The following EVI5L variants were observed in gnomAD, a reference collection of about 807,000 sequenced individuals.
EVI5L encodes EVI5-like protein.
Under a neutral mutation model 106.1 loss-of-function variants are expected in EVI5L, and 30 were observed. That is an observed-to-expected ratio of 0.28 (90% confidence interval 0.21 to 0.38). The LOEUF is 0.38. EVI5L is among the 10% of genes least tolerant of loss of function. The pLI is 1.00. For synonymous variants in EVI5L, 489 were observed against 483.3 expected, an observed-to-expected ratio of 1.01 and a Z score of -0.15; for missense variants, 809 against 1,098.0, an observed-to-expected ratio of 0.74 and a Z score of 3.72.
At chr19:7,844,081 G>A (rs1302399496) in intron 1 of EVI5L, among the ~76,000 whole-genome samples, 1 of 151,642 alleles carries the variant, frequency 6.6e-6, no homozygotes, top group Non-Finnish European at 1.5e-5. Context: ...GGCTGGGCGC[G>A]GTGGCTCACA....
In EVI5L at chr19:7,845,404, C is replaced by T. The variant is rs944666168; in HGVS notation, c.-47-1092C>T. ...GCTAGGGGTCCCCTGGCCATCAGTC[C>T]CCACACAGGCCACAGCAGAACCCAG... On this transcript the variant is annotated intron_variant, in intron 1 of 19. Coordinates refer to ENST00000538904, the MANE Select transcript of EVI5L (RefSeq NM_001159944.3). This position sits in a 1 kb window ranked among gnomAD's most constrained non-coding sequence, Gnocchi z 4.0. 6.6e-6 allele frequency among the ~76,000 whole-genome samples: 1 copy of T among 152,156 alleles called. No individual in the cohort carries two copies. Among genetic ancestry groups the T allele is most frequent in the African/African-American group, 2.4e-5 (1 of 41,420 alleles).
Position 7,858,396 on chromosome 19 carries a change from G to A in EVI5L, c.1374+65G>A. On this transcript the variant is annotated intron_variant, in intron 13 of 19. Transcript: ENST00000538904. This position sits in a 1 kb window ranked among gnomAD's most constrained non-coding sequence, Gnocchi z 5.7. ...CCCGCGCCCCCGCCCCCGCCCAACGGTTTTCTTTCAGGGCTCATAATCTGC... is the reference window on the plus strand; with the variant it reads ...CCCGCGCCCCCGCCCCCGCCCAACGATTTTCTTTCAGGGCTCATAATCTGC... The A allele has an allele frequency of 1.3e-6, 2 of 1,487,328 alleles. No individual in the cohort carries two copies. The highest frequency in any genetic ancestry group is 2.3e-5 in the Admixed American group (1 of 42,900). The allele number at this position is 1,487,328 out of a possible 1,614,324, so 92.1% of individuals were successfully genotyped here. A position where few individuals can be genotyped will look rare whatever the true frequency, so the allele number is the denominator to read the frequency against.
At chr19:7,836,007 C>T (rs200686292) in intron 1 of EVI5L, among the ~76,000 whole-genome samples, 2 of 151,744 alleles carry the variant, frequency 1.3e-5, no homozygotes, top group Non-Finnish European at 2.9e-5. Context: ...GAGGCCGAGG[C>T]GGGAGGATCA....
intron 5 of EVI5L, 125 bp downstream of exon 5, chr19:7,849,455 T>C (rs1599570047): frequency 1.9e-6 from 2 of 1,037,944 alleles, no homozygotes; most frequent in Non-Finnish European, 2.8e-6. Context: ...ATCCTCCTTC[T>C]CCATCCACAC....
intron 1 of EVI5L, among the ~76,000 whole-genome samples, chr19:7,837,567 C>T (rs1216897235): frequency 6.6e-6 from 1 of 152,130 alleles, no homozygotes; most frequent in Non-Finnish European, 1.5e-5. Flanking sequence ...TCCCAGTAAC[C>T]TTCTTCCATC....
At position 7,862,364 on chromosome 19, in the gene EVI5L, G is replaced by A. The variant is rs371660824; in HGVS notation, c.1801-24G>A. 58 of 1,587,102 alleles carry A rather than the reference G, an allele frequency of 3.7e-5. 1 individual carries two copies. Among genetic ancestry groups the A allele is most frequent in the Non-Finnish European group, 4.6e-5 (54 of 1,165,526 alleles). On this transcript the variant is annotated intron_variant, in intron 16 of 19. Coordinates refer to ENST00000538904, the MANE Select transcript of EVI5L (RefSeq NM_001159944.3). ...TAGGCCCTGACCGCCGCCGTCCTCC[G>A]TCCTCCCTTCCTCCCTATCCCAGGA...
At chr19:7,860,836 C>G in intron 14 of EVI5L, 147 bp downstream of exon 14, 1 of 993,216 alleles carries the variant, frequency 1.0e-6, no homozygotes, top group South Asian at 1.9e-5. Flanking sequence ...AGCACAACCC[C>G]ACGCGGGGCA....
Position 7,856,879 on chromosome 19 carries a change from C to T in EVI5L, c.1201-213C>T, listed in dbSNP as rs1056825692. ...GCACCCCCGACCTCCCCGCTCACACCGAACCCCTCTCCAGGACGGAGCTGG... is the reference window on the plus strand; with the variant it reads ...GCACCCCCGACCTCCCCGCTCACACTGAACCCCTCTCCAGGACGGAGCTGG... On this transcript the variant is annotated intron_variant, in intron 11 of 19. Coordinates refer to ENST00000538904, the MANE Select transcript of EVI5L (RefSeq NM_001159944.3). This position sits in a 1 kb window ranked among gnomAD's most constrained non-coding sequence, Gnocchi z 6.6. The T allele has an allele frequency of 9.9e-6, 7 of 704,400 alleles. No individual in the cohort carries two copies. The highest frequency in any genetic ancestry group is 5.2e-5 in the African/African-American group (3 of 57,258). The allele number at this position is 704,400 out of a possible 1,614,324, so 43.6% of individuals were successfully genotyped here.
intron 14 of EVI5L, among the ~76,000 whole-genome samples, chr19:7,861,416 A>G (rs892031526): frequency 2.6e-5 from 4 of 152,224 alleles, no homozygotes; most frequent in African/African-American, 9.6e-5. Flanking sequence ...CTGGAGCACA[A>G]ATCCTCCATC....
chr19:7,863,562 C>G lies in EVI5L; in HGVS notation c.2278C>G (p.Gln760Glu). The G allele has an allele frequency of 6.3e-7, 1 of 1,599,562 alleles. No individual in the cohort carries two copies. Among genetic ancestry groups the G allele is most frequent in the Non-Finnish European group, 8.5e-7 (1 of 1,174,068 alleles). Residue 760 changes from glutamine to glutamate, a missense_variant, in exon 20 of 20, where the codon CAG becomes GAG. Coordinates refer to ENST00000538904, the MANE Select transcript of EVI5L (RefSeq NM_001159944.3). The surrounding 1 kb of genome is among the most constrained non-coding windows in gnomAD (Gnocchi z 7.7). ...LLGVGVGAALQDALYPLSPRD... is the reference protein window; with the variant it reads ...LLGVGVGAALEDALYPLSPRD... ...TGGCGTAGGCGTGGGCGCTGCCCTG[C>G]AGGACGCATTGTACCCTCTGTCCCC...
rs747492093 is a variant in EVI5L at position 7,849,972 on chromosome 19, C to T, written c.628-25C>T. The T allele has an allele frequency of 1.1e-5, 18 of 1,568,354 alleles. No homozygotes were observed. The South Asian group carries it at 1.2e-4, about 10-fold the overall frequency. ...CCCTCCCCGCTGCGCTGCCCTGAGC[C>T]CCCCCACCTGCCCGTCCCCCCTAGA... On this transcript the variant is annotated intron_variant, in intron 5 of 19. Coordinates refer to ENST00000538904, the MANE Select transcript of EVI5L (RefSeq NM_001159944.3).
intron 5 of EVI5L, among the ~76,000 whole-genome samples, 188 bp downstream of exon 5, chr19:7,849,518 G>A (rs1256132140): frequency 6.6e-6 from 1 of 152,212 alleles, no homozygotes; most frequent in Non-Finnish European, 1.5e-5. Flanking sequence ...CACCTGTCTG[G>A]TTGGGTCCTG....
chr19:7,862,142 C>T lies in EVI5L; in HGVS notation c.1665C>T (p.Gly555=), dbSNP rs757300350. The change falls in exon 16 of 20, where the codon GGC becomes GGT. Residue 555 remains glycine, a synonymous_variant. Transcript: ENST00000538904. The part of the protein sequence containing the change: ...DTWQAHLARG[G]RWKESPRKLV... ...CCCAGGCCCATCTGGCCCGCGGCGG[C>T]CGCTGGAAGGAGTCCCCACGGAAGC... The T allele has an allele frequency of 8.1e-5, 128 of 1,572,486 alleles. No homozygotes were observed. The African/African-American group carries it at 1.6e-3, about 19-fold the overall frequency.
At chr19:7,854,731 G>C (rs1175914953) in intron 10 of EVI5L, among the ~76,000 whole-genome samples, 1 of 152,202 alleles carries the variant, frequency 6.6e-6, no homozygotes, top group Non-Finnish European at 1.5e-5. Context: ...CAGGGCTCCA[G>C]ATTGCTATGA....
At position 7,862,543 on chromosome 19, in the gene EVI5L, C is replaced by G; in HGVS notation, c.1947+9C>G. ...CCGAGGCCGAGTGCAAGGTGCAGACCCCCGCGGCCCCGCCCTGCCCGTGGC... is the reference window on the plus strand; with the variant it reads ...CCGAGGCCGAGTGCAAGGTGCAGACGCCCGCGGCCCCGCCCTGCCCGTGGC... On this transcript the variant is annotated intron_variant, in intron 17 of 19. Coordinates refer to ENST00000538904, the MANE Select transcript of EVI5L (RefSeq NM_001159944.3). The G allele has an allele frequency of 6.9e-7, 1 of 1,444,004 alleles. No individual in the cohort carries two copies. The highest frequency in any genetic ancestry group is 9.1e-7 in the Non-Finnish European group (1 of 1,097,610). The allele number at this position is 1,444,004 out of a possible 1,614,324, so 89.4% of individuals were successfully genotyped here.
chr19:7,843,756 G>A (rs1259925667), intron 1 of EVI5L, among the ~76,000 whole-genome samples: 1 of 151,972 alleles, frequency 6.6e-6, no homozygotes, highest in Non-Finnish European at 1.5e-5. Context: ...ATGTGAGTGG[G>A]GGTGGGTGTG....
chr19:7,844,357 A>G (rs1978858379), intron 1 of EVI5L, among the ~76,000 whole-genome samples: 1 of 151,654 alleles, frequency 6.6e-6, no homozygotes, highest in Non-Finnish European at 1.5e-5. Flanking sequence ...AAAAGAAAGA[A>G]AGAAAAGAAA....
In EVI5L at chr19:7,853,318, G is replaced by A. The variant is rs1979353348; in HGVS notation, c.1131G>A (p.Glu377=). 2 of 1,612,048 alleles carry A rather than the reference G, an allele frequency of 1.2e-6. No individual in the cohort carries two copies. Among genetic ancestry groups the A allele is most frequent in the African/African-American group, 1.3e-5 (1 of 74,934 alleles). Reference sequence around the variant, plus strand: ...CCATGAAGAGCAAGGAGATGGAGGAGCAGATCGAGATCAAAGTGAGTCCAG... The same window carrying A: ...CCATGAAGAGCAAGGAGATGGAGGAACAGATCGAGATCAAAGTGAGTCCAG... ...YAAMKSKEME[E]QIEIKRLRTE... is the part of the protein sequence containing the mutation. Residue 377 remains glutamate (E), a synonymous_variant, in exon 10 of 20, where the codon GAG becomes GAA. Coordinates refer to ENST00000538904, the MANE Select transcript of EVI5L (RefSeq NM_001159944.3).
At position 7,858,339 on chromosome 19, in the gene EVI5L, C is replaced by T. The variant is rs761258183; in HGVS notation, c.1374+8C>T. Reference sequence around the variant, plus strand: ...CAGCTACAGGAGCAGCAGGTAGGGGCGGGTGTGCGGGGCTGCTGGGCGGGG... The same window carrying T: ...CAGCTACAGGAGCAGCAGGTAGGGGTGGGTGTGCGGGGCTGCTGGGCGGGG... On this transcript the variant is annotated splice_region_variant and intron_variant, in intron 13 of 19. Coordinates refer to ENST00000538904, the MANE Select transcript of EVI5L (RefSeq NM_001159944.3). This position sits in a 1 kb window ranked among gnomAD's most constrained non-coding sequence, Gnocchi z 5.7. 10 of 1,541,800 alleles carry T rather than the reference C, an allele frequency of 6.5e-6. No individual in the cohort carries two copies. In the South Asian group the frequency reaches 8.4e-5, roughly 13 times the overall value.
Sources: gnomAD v4.1 joint callset for allele counts (sites outside exome capture counted in the v4.1 genomes callset) on GRCh38, gnomAD v4.1.1 for gene constraint, Gnocchi (gnomAD v3.1) non-coding constraint, MANE v1.5 for transcripts, NCBI Gene and HGNC (gene_info 2026-07-23, HGNC 2026-07-21) for gene names.